ATPAF2: variants seen among roughly 807,000 people sequenced by gnomAD.
ATPAF2 encodes ATP12 homolog.
A neutral mutation model predicts 36.6 loss-of-function variants in ATPAF2; 30 were observed. The observed-to-expected ratio is 0.82, with a 90% confidence interval of 0.61 to 1.11. The LOEUF (loss-of-function observed/expected upper bound fraction) is 1.11, where lower values mean the gene tolerates loss of function less well. ATPAF2 is among the 50% of genes most tolerant of loss of function. The pLI is 0.00. For synonymous variants in ATPAF2, 140 were observed against 152.6 expected (o/e 0.92, Z 0.61); for missense variants, 321 against 372.3 (o/e 0.86, Z 1.13).
At chr17:18,016,850 T>C, downstream of ATPAF2, 1 of 453,408 alleles carries the variant, frequency 2.2e-6, no homozygotes, top group South Asian at 3.2e-5. Context: ...AATAAAGGAC[T>C]CATTTCACAT....
At chr17:18,028,008 G>A in intron 3 of ATPAF2, 3 of 594,140 alleles carry the variant, frequency 5.0e-6, no homozygotes, top group Non-Finnish European at 9.1e-6. Context: ...AACCAAAGGA[G>A]AAACCAGCCA....
rs757347605 is a variant in ATPAF2 at position 18,021,780 on chromosome 17, C to G, written c.581G>C (p.Ser194Thr). 3 of 1,614,152 alleles carry G rather than the reference C, an allele frequency of 1.9e-6. No individual in the cohort carries two copies. The Admixed American group carries it at 5.0e-5, about 27-fold the overall frequency. ...CCATGTGTTGTAAGATGCCAGGTGG[C>G]TGACGAGCACCTCCCGAGTTTTGGC... The part of the protein sequence containing the change: ...IPAKTREVLV[S>T]HLASYNTWAL... Residue 194 changes from serine to threonine, a missense_variant, in exon 6 of 8, where the codon AGC (serine) becomes ACC (threonine). By Grantham distance (58) the Ser-to-Thr change is moderately conservative. This residue lies in a region of ATPAF2 where 199 missense variants were observed against 220.6 expected (regional missense o/e 0.90). Transcript: ENST00000474627.
intron 3 of ATPAF2, among the ~76,000 whole-genome samples, chr17:18,027,290 G>A (rs909562054): frequency 1.3e-5 from 2 of 151,206 alleles, no homozygotes; most frequent in Admixed American, 6.6e-5. Flanking sequence ...TACCCTATTC[G>A]TTTGTAGCCC....
chr17:18,018,071 G>A lies in ATPAF2; in HGVS notation c.*478C>T, dbSNP rs2044409866. On this transcript the variant is annotated 3_prime_UTR_variant, in exon 8 of 8. Coordinates refer to ENST00000474627, the MANE Select transcript of ATPAF2 (RefSeq NM_145691.4). ...AAGCCAGCCAAAAAAAAGCCTTCAG[G>A]CTGAGGCTGAAGAACACAAATAGAG... 5.4e-6 allele frequency: 1 copy of A among 184,448 alleles called. No individual in the cohort carries two copies. The highest frequency in any genetic ancestry group is 2.4e-5 in the African/African-American group (1 of 42,390). The allele number at this position is 184,448 out of a possible 1,614,324, so 11.4% of individuals were successfully genotyped here.
rs772715284 is a variant in ATPAF2, at chr17:18,038,935, T to A, written c.79A>T (p.Met27Leu). Residue 27 changes from methionine to leucine, a missense_variant, in exon 1 of 8, where the codon ATG becomes TTG. Around this residue, in one of 3 missense-constraint regions of ATPAF2, gnomAD observed 69 missense variants for 60.1 expected, o/e 1.15. Coordinates refer to ENST00000474627, the MANE Select transcript of ATPAF2 (RefSeq NM_145691.4). ...GACGGGATGGTTGGCCCCGGACTCA[T>A]AGAAGCGCTGGGGCCACCCGCCGGC... is the stretch of plus-strand genomic sequence containing the variant. ...NRPAGGPSAS[M>L]SPGPTIPSPA... The A allele has an allele frequency of 2.6e-5, 42 of 1,611,654 alleles. No individual in the cohort carries two copies. The highest frequency in any genetic ancestry group is 2.9e-5 in the Non-Finnish European group (34 of 1,179,176).
intron 7 of ATPAF2, 45 bp from the exon 8 acceptor site, chr17:18,018,731 T>TG: frequency 6.2e-7 from 1 of 1,613,298 alleles, no homozygotes; most frequent in Non-Finnish European, 8.5e-7. Context: ...GGCCAGTGCC[T>TG]GGCTGCCTCC....
intron 7 of ATPAF2, 194 bp downstream of exon 7, chr17:18,020,929 G>A: frequency 7.3e-7 from 1 of 1,374,236 alleles, no homozygotes; most frequent in African/African-American, 1.5e-5. Flanking sequence ...CCAAAGTGCT[G>A]GGATTACAGG....
chr17:18,019,052 C>T (rs1167702056), intron 7 of ATPAF2, among the ~76,000 whole-genome samples: 1 of 152,012 alleles, frequency 6.6e-6, no homozygotes, highest in Non-Finnish European at 1.5e-5. Context: ...GGTAGGAGGA[C>T]TGCTTTGAGC....
intron 5 of ATPAF2, among the ~76,000 whole-genome samples, chr17:18,023,137 A>G (rs1568569103): frequency 6.6e-6 from 1 of 150,938 alleles, no homozygotes; most frequent in Non-Finnish European, 1.5e-5. Flanking sequence ...CAAAAAAAAA[A>G]AAAAAAAAAT....
At chr17:18,016,870 T>TA, downstream of ATPAF2, 1 of 385,294 alleles carries the variant, frequency 2.6e-6, no homozygotes, top group Non-Finnish European at 4.4e-6. Context: ...TTTCCCCTAC[T>TA]CATAAAAAAA....
intron 6 of ATPAF2, 172 bp from the exon 7 acceptor site, chr17:18,021,410 C>T: frequency 1.4e-6 from 1 of 690,514 alleles, no homozygotes; most frequent in Non-Finnish European, 2.6e-6. Flanking sequence ...GGTGATCCTC[C>T]TCTGCTCTTA....
intron 5 of ATPAF2, among the ~76,000 whole-genome samples, chr17:18,023,735 C>T (rs2044504217): frequency 6.6e-6 from 1 of 152,210 alleles, no homozygotes; most frequent in Non-Finnish European, 1.5e-5. Flanking sequence ...CAGCATGTGG[C>T]AAATCAGTGA....
intron 1 of ATPAF2, among the ~76,000 whole-genome samples, chr17:18,037,696 A>G (rs1418194044): frequency 6.6e-6 from 1 of 152,228 alleles, no homozygotes; most frequent in Non-Finnish European, 1.5e-5. Flanking sequence ...AAGTAGTTGC[A>G]TGCCCAAGAT....
Position 18,020,982 on chromosome 17 carries a change from G to C in ATPAF2, c.732+141C>G, listed in dbSNP as rs535701334. ...GGCCTACTTGACAATACTTCTGCTG[G>C]TCCTTGATTTTGATTTCTGCGTGTA... On this transcript the variant is annotated intron_variant, in intron 7 of 7. Coordinates refer to ENST00000474627, the MANE Select transcript of ATPAF2 (RefSeq NM_145691.4). The C allele has an allele frequency of 3.4e-6, 5 of 1,455,728 alleles. No homozygotes were observed. The African/African-American group carries it at 7.0e-5, about 21-fold the overall frequency. 90.2% of individuals were successfully genotyped at this position (1,455,728 alleles called of 1,614,324 possible). A position where few individuals can be genotyped will look rare whatever the true frequency, so the allele number is the denominator to read the frequency against.
intron 3 of ATPAF2, among the ~76,000 whole-genome samples, chr17:18,027,330 G>A (rs1036823572): frequency 1.3e-5 from 2 of 151,256 alleles, no homozygotes; most frequent in Non-Finnish European, 2.9e-5. Flanking sequence ...AGGTTGTCAA[G>A]GACCAGGCCA....
chr17:18,031,309 A>G (rs1044502794), intron 1 of ATPAF2, among the ~76,000 whole-genome samples: 1 of 151,792 alleles, frequency 6.6e-6, no homozygotes, highest in Non-Finnish European at 1.5e-5. Flanking sequence ...CCATCATATC[A>G]GTTTTCTATA....
chr17:18,038,496 C>T (rs1253247653), intron 1 of ATPAF2, among the ~76,000 whole-genome samples: 1 of 152,216 alleles, frequency 6.6e-6, no homozygotes, highest in Non-Finnish European at 1.5e-5. Context: ...GCAGTGGAGA[C>T]ACGGAAAACA....
chr17:18,026,223 A>T, intron 4 of ATPAF2, 96 bp downstream of exon 4: 1 of 1,218,426 alleles, frequency 8.2e-7, no homozygotes, highest in Non-Finnish European at 1.2e-6. Flanking sequence ...TCCTTGCAAT[A>T]AATGGAGAGG....
At chr17:18,031,887 G>A (rs901460447) in intron 1 of ATPAF2, among the ~76,000 whole-genome samples, 5 of 152,032 alleles carry the variant, frequency 3.3e-5, no homozygotes, top group East Asian at 1.9e-4. Context: ...TATCTCATAC[G>A]TTTGACACTA....
Sources: allele counts gnomAD v4.1 joint callset (sites outside exome capture counted in the v4.1 genomes callset), GRCh38; gene constraint gnomAD v4.1.1; regional missense constraint gnomAD v4.1.1; transcripts MANE v1.5; gene names NCBI Gene and HGNC (gene_info 2026-07-23, HGNC 2026-07-21).